The following ZNF341 variants were observed in gnomAD, a reference collection of about 807,000 sequenced individuals.
ZNF341 encodes zinc finger protein 341.
In ZNF341, 52 loss-of-function variants were observed where a neutral mutation model predicts 87.7. The observed-to-expected ratio is 0.59, with a 90% CI of 0.47 to 0.75. The LOEUF (loss-of-function observed/expected upper bound fraction) is 0.75, where lower values mean the gene tolerates loss of function less well. ZNF341 is among the 30% of genes least tolerant of loss of function. ZNF341 has a pLI of 0.00. For missense variants in ZNF341, 977 were observed against 1,145.9 expected, an observed-to-expected ratio of 0.85 and a Z score of 2.13; for synonymous variants, 459 against 472.7, an observed-to-expected ratio of 0.97 and a Z score of 0.38.
intron 13 of ZNF341, among the ~76,000 whole-genome samples, chr20:33,789,297 C>T (rs2019946073): frequency 6.6e-6 from 1 of 152,136 alleles, no homozygotes; most frequent in African/African-American, 2.4e-5. Context: ...TCCACCTCGG[C>T]CTCCCAAAGT....
intron 10 of ZNF341, among the ~76,000 whole-genome samples, chr20:33,777,157 A>AG (rs1668852932): frequency 6.7e-6 from 1 of 148,592 alleles, no homozygotes; most frequent in Non-Finnish European, 1.5e-5. Context: ...TTACCAAAAA[A>AG]AAAAAAAAAA....
rs1165787522 is a variant in ZNF341 at position 33,789,500 on chromosome 20, AGTG to A, written c.1965-16_1965-14del. 6.2e-7 allele frequency: 1 copy of A among 1,613,684 alleles called. No homozygotes were observed. The highest frequency in any genetic ancestry group is 1.3e-5 in the African/African-American group (1 of 74,848). On this transcript the variant is annotated splice_polypyrimidine_tract_variant and intron_variant, in intron 13 of 14. Transcript: ENST00000375200. Reference sequence around the variant, plus strand: ...TAAGCTTGGTGAGCTCCCCCTGACCAGTGGCTTTGGGTTTTAGGACGCACACAG... The same window carrying A: ...TAAGCTTGGTGAGCTCCCCCTGACCAGCTTTGGGTTTTAGGACGCACACAG...
chr20:33,751,118 A>T (rs1346803248), intron 4 of ZNF341, among the ~76,000 whole-genome samples: 1 of 152,182 alleles, frequency 6.6e-6, no homozygotes, highest in African/African-American at 2.4e-5. Flanking sequence ...CCATATGGAT[A>T]GGCCATCTTC....
intron 10 of ZNF341, 83 bp downstream of exon 10, chr20:33,770,375 C>T (rs2019506482): frequency 3.7e-6 from 5 of 1,348,734 alleles, no homozygotes; most frequent in Non-Finnish European, 5.2e-6. Flanking sequence ...GTGGTTCTGA[C>T]TGCTTAGGAC....
At chr20:33,734,777 T>C (rs2018644514) in intron 1 of ZNF341, among the ~76,000 whole-genome samples, 1 of 152,136 alleles carries the variant, frequency 6.6e-6, no homozygotes, top group Admixed American at 6.6e-5. Context: ...CAATCTTGGC[T>C]CAATGCAGCC....
chr20:33,784,085 C>T, intron 12 of ZNF341, among the ~76,000 whole-genome samples: 1 of 123,098 alleles, frequency 8.1e-6, no homozygotes, highest in Non-Finnish European at 1.7e-5. Context: ...CCTCCTCCTC[C>T]CCATCTCCTT....
At chr20:33,733,522 C>G (rs1182948880) in intron 1 of ZNF341, among the ~76,000 whole-genome samples, 1 of 152,076 alleles carries the variant, frequency 6.6e-6, no homozygotes, top group African/African-American at 2.4e-5. Context: ...CAGGCGTGAG[C>G]CACCGCGCCC....
At chr20:33,738,481 C>T (rs1013098727) in intron 1 of ZNF341, among the ~76,000 whole-genome samples, 4 of 152,138 alleles carry the variant, frequency 2.6e-5, no homozygotes, top group South Asian at 4.1e-4. Flanking sequence ...AAACTGTAAA[C>T]TAAATTTCTC....
At chr20:33,789,614 A>T in intron 14 of ZNF341, 26 bp downstream of exon 14, 1 of 1,613,298 alleles carries the variant, frequency 6.2e-7, no homozygotes, top group Non-Finnish European at 8.5e-7. Context: ...GCCTGCTAAG[A>T]GGGTCTGGTT....
chr20:33,763,465 A>C (rs2019336821), intron 8 of ZNF341, among the ~76,000 whole-genome samples: 1 of 151,916 alleles, frequency 6.6e-6, no homozygotes, highest in Non-Finnish European at 1.5e-5. Context: ...CACCTGGCTA[A>C]TTTTCGTATT....
At position 33,733,841 on chromosome 20, in the gene ZNF341, G is replaced by T. The variant is rs141353263; in HGVS notation, c.31+1789G>T. On this transcript the variant is annotated intron_variant, in intron 1 of 14. Coordinates refer to ENST00000375200, the MANE Select transcript of ZNF341 (RefSeq NM_001282933.2). ...AGAAATTATAAAACAAGCAATTATA[G>T]AAATTATAGAATTATGGAAAAGGTC... 1.3e-4 allele frequency among the ~76,000 whole-genome samples: 20 copies of T among 152,296 alleles called. No individual in the cohort carries two copies. In the East Asian group the frequency reaches 3.9e-3, roughly 29 times the overall value.
intron 8 of ZNF341, among the ~76,000 whole-genome samples, chr20:33,764,561 ATT>A (rs1164096634): frequency 3.5e-3 from 99 of 28,352 alleles, no homozygotes; most frequent in African/African-American, 0.01. Flanking sequence ...ATATATATAT[ATT>A]TTTTTTTTTT....
chr20:33,790,852 C>T (rs965459964), intron 14 of ZNF341, 136 bp from the exon 15 acceptor site: 34 of 1,076,536 alleles, frequency 3.2e-5, no homozygotes, highest in South Asian at 5.0e-5. Flanking sequence ...AGAAGGCAGA[C>T]GACGAGGGTG....
In ZNF341 at chr20:33,753,145, A is replaced by G. The variant is rs950008153; in HGVS notation, c.490-27A>G. 4.3e-6 allele frequency: 7 copies of G among 1,611,630 alleles called. No individual in the cohort carries two copies. The African/African-American group carries it at 5.3e-5, about 12-fold the overall frequency. On this transcript the variant is annotated intron_variant, in intron 4 of 14. Coordinates refer to ENST00000375200, the MANE Select transcript of ZNF341 (RefSeq NM_001282933.2). ...ATAAGACAACTGGTATCAAGAGGCTATAACACTTTTTCTTTTCTGATTTCA... is the reference window on the plus strand; with the variant it reads ...ATAAGACAACTGGTATCAAGAGGCTGTAACACTTTTTCTTTTCTGATTTCA...
intron 14 of ZNF341, among the ~76,000 whole-genome samples, chr20:33,790,041 C>T (rs2019965882): frequency 6.6e-6 from 1 of 152,052 alleles, no homozygotes; most frequent in African/African-American, 2.4e-5. Context: ...GGTTCTTCAA[C>T]CCTGGCACCA....
chr20:33,762,296 G>A (rs1293390388), intron 8 of ZNF341, among the ~76,000 whole-genome samples: 6 of 151,790 alleles, frequency 4.0e-5, no homozygotes, highest in Non-Finnish European at 1.5e-5. Context: ...ATTTTTTGCT[G>A]AGCCTGGATC....
chr20:33,737,339 T>C (rs1568931104), intron 1 of ZNF341, among the ~76,000 whole-genome samples: 2 of 152,258 alleles, frequency 1.3e-5, no homozygotes, highest in East Asian at 3.9e-4. Context: ...TTTTATTTTT[T>C]GAGACGTAGT....
rs2020012038 is a variant in ZNF341, at chr20:33,791,125, T to C, written c.2173T>C (p.Tyr725His). ...GCAKGFSRHKYLKDHRCRLGP... is the reference protein window; with the variant it reads ...GCAKGFSRHKHLKDHRCRLGP... ...CGCCAAGGGCTTTTCCCGCCACAAA[T>C]ACCTCAAAGATCACCGCTGTCGTCT... Residue 725 changes from tyrosine (Y) to histidine (H), a missense_variant, in exon 15 of 15, where the codon TAC (tyrosine) becomes CAC (histidine). This residue lies in a region of ZNF341 where 221 missense variants were observed against 212.7 expected (regional missense o/e 1.04). Transcript: ENST00000375200. The C allele has an allele frequency of 1.2e-6, 2 of 1,613,296 alleles. No individual in the cohort carries two copies. Among genetic ancestry groups the C allele is most frequent in the South Asian group, 1.1e-5 (1 of 91,088 alleles).
At chr20:33,769,988 T>C (rs186139600) in intron 9 of ZNF341, 96 bp from the exon 10 acceptor site, 2 of 773,994 alleles carry the variant, frequency 2.6e-6, no homozygotes, top group African/African-American at 1.7e-5. Flanking sequence ...GGTCAGATCA[T>C]TTACCATCAG....
Sources: gnomAD v4.1 joint callset for allele counts (sites outside exome capture counted in the v4.1 genomes callset) on GRCh38, gnomAD v4.1.1 for gene constraint, gnomAD v4.1.1 regional missense constraint, MANE v1.5 for transcripts, NCBI Gene and HGNC (gene_info 2026-07-23, HGNC 2026-07-21) for gene names.